Variants in ACACA observed in about 807,000 individuals in gnomAD.
ACACA encodes the protein acetyl-CoA carboxylase alpha, also known as acetyl-CoA carboxylase 1.
Under a neutral mutation model 296.1 loss-of-function variants are expected in ACACA, and 103 were observed. That is an observed-to-expected ratio of 0.35 (90% CI 0.30 to 0.41). ACACA has a LOEUF of 0.41. Among genes scored for constraint, ACACA ranks in the 10% least tolerant of loss-of-function variants. The pLI is 1.00. For synonymous variants in ACACA, 953 were observed against 1,038.6 expected, an observed-to-expected ratio of 0.92 and a Z score of 1.58; for missense variants, 1,554 against 2,989.7, an observed-to-expected ratio of 0.52 and a Z score of 11.20.
intron 1 of ACACA, among the ~76,000 whole-genome samples, chr17:37,399,113 G>T (rs566784614): frequency 7.9e-5 from 12 of 151,312 alleles, no homozygotes; most frequent in African/African-American, 2.7e-4. Flanking sequence ...CCAAGTAGTT[G>T]GGATTATAAG....
At chr17:37,371,650 A>C (rs916156082) in intron 1 of ACACA, among the ~76,000 whole-genome samples, 6 of 152,150 alleles carry the variant, frequency 3.9e-5, no homozygotes, top group Non-Finnish European at 7.3e-5. Flanking sequence ...CTGTAATCCC[A>C]GCACTTTGGG....
chr17:37,162,140 C>T (rs1034535846), intron 41 of ACACA, 90 bp from the exon 42 acceptor site: 84 of 1,384,276 alleles, frequency 6.1e-5, no homozygotes, highest in Non-Finnish European at 8.3e-5. Context: ...TATACCTAGG[C>T]ACAGCCATTA....
rs141429307 is a variant in ACACA, at chr17:37,086,938, G to A, written c.*378C>T. The A allele has an allele frequency of 1.3e-4, 44 of 343,188 alleles. No homozygotes were observed. Among genetic ancestry groups the A allele is most frequent in the African/African-American group, 9.1e-4 (43 of 47,338 alleles). 21.3% of individuals were successfully genotyped at this position (343,188 alleles called of 1,614,324 possible). On this transcript the variant is annotated 3_prime_UTR_variant, in exon 56 of 56. Transcript: ENST00000616317. ...AGTGAGGGGGGCTGCTCACTGCTGG[G>A]CAACTCCTCACGCTTCCCCATGCTG...
At chr17:37,320,482 G>A (rs1259147604) in intron 3 of ACACA, among the ~76,000 whole-genome samples, 1 of 151,834 alleles carries the variant, frequency 6.6e-6, no homozygotes, top group East Asian at 1.9e-4. Context: ...CTGTATTCCA[G>A]CCTGGGCGAC....
intron 1 of ACACA, among the ~76,000 whole-genome samples, chr17:37,360,658 G>A (rs756105341): frequency 9.9e-5 from 15 of 151,958 alleles, no homozygotes; most frequent in Non-Finnish European, 1.5e-4. Flanking sequence ...CACTGGCAAC[G>A]TAAAAAGACC....
At chr17:37,284,651 A>G (rs1222282859) in intron 4 of ACACA, among the ~76,000 whole-genome samples, 187 bp downstream of exon 4, 1 of 152,226 alleles carries the variant, frequency 6.6e-6, no homozygotes, top group Admixed American at 6.5e-5. Context: ...TGGTAAATAC[A>G]TATTATAGGA....
In ACACA at chr17:37,086,896, C is replaced by T. The variant is rs1038573822; in HGVS notation, c.*420G>A. The T allele has an allele frequency of 1.4e-5, 4 of 279,480 alleles. No individual in the cohort carries two copies. Among genetic ancestry groups the T allele is most frequent in the Admixed American group, 4.7e-5 (1 of 21,436 alleles). The allele number at this position is 279,480 out of a possible 1,614,324, so 17.3% of individuals were successfully genotyped here. On this transcript the variant is annotated 3_prime_UTR_variant, in exon 56 of 56. Transcript: ENST00000616317. The stretch of plus-strand genomic sequence containing the variant: ...AGCCCTCCTCTGCTGCCTGTGGCTG[C>T]GGCTCATGGGGCCAGGAGTGAGGGG...
In ACACA at chr17:37,361,428, T is replaced by C. The variant is rs115236233; in HGVS notation, c.39-21578A>G. ...TCAAAAACTGTCCTTATGTGAAATTTCAGCCAGCCCCTGCATGTCCTGCTT... is the reference window on the plus strand; with the variant it reads ...TCAAAAACTGTCCTTATGTGAAATTCCAGCCAGCCCCTGCATGTCCTGCTT... On this transcript the variant is annotated intron_variant, in intron 1 of 55. Transcript: ENST00000616317. Among the ~76,000 whole-genome samples the C allele has an allele frequency of 8.1e-3, 1,233 of 152,244 alleles. 12 individuals are homozygous for C. The highest frequency in any genetic ancestry group is 0.028 in the African/African-American group (1,180 of 41,550).
At chr17:37,248,821 A>C (rs879481674) in intron 16 of ACACA, 147 bp from the exon 17 acceptor site, 3 of 603,624 alleles carry the variant, frequency 5.0e-6, no homozygotes, top group Admixed American at 4.8e-5. Flanking sequence ...GGAATTGATC[A>C]CATCAATTAT....
At chr17:37,145,103 TG>T (rs1433475691) in intron 45 of ACACA, among the ~76,000 whole-genome samples, 1 of 152,086 alleles carries the variant, frequency 6.6e-6, no homozygotes, top group Non-Finnish European at 1.5e-5. Flanking sequence ...CCTAACACTA[TG>T]TTAAACATAC....
chr17:37,377,232 T>C (rs1226066845), intron 1 of ACACA, among the ~76,000 whole-genome samples: 1 of 152,130 alleles, frequency 6.6e-6, no homozygotes. Flanking sequence ...AGGAAATGGG[T>C]TGGTTAGACT....
At chr17:37,330,979 G>T (rs1176993029) in intron 2 of ACACA, among the ~76,000 whole-genome samples, 1 of 152,028 alleles carries the variant, frequency 6.6e-6, no homozygotes, top group African/African-American at 2.4e-5. Context: ...CTACAATCAT[G>T]GTTCACTGCA....
intron 45 of ACACA, among the ~76,000 whole-genome samples, chr17:37,135,415 A>G (rs983447314): frequency 2.0e-5 from 3 of 152,202 alleles, no homozygotes; most frequent in African/African-American, 4.8e-5. Context: ...GCTCGGTGAC[A>G]TACTGTGGGC....
chr17:37,130,235 G>C lies in ACACA; in HGVS notation c.5680-17C>G. 6.2e-7 allele frequency: 1 copy of C among 1,614,036 alleles called. No individual in the cohort carries two copies. Reference sequence around the variant, plus strand: ...CCCGAGGACCTAGAGAAAAGAGCAAGAGAAAAGACATTTGTCTCTATAGAA... The same window carrying C: ...CCCGAGGACCTAGAGAAAAGAGCAACAGAAAAGACATTTGTCTCTATAGAA... On this transcript the variant is annotated splice_polypyrimidine_tract_variant and intron_variant, in intron 45 of 55. Transcript: ENST00000616317.
At chr17:37,328,862 C>T (rs969949936) in intron 3 of ACACA, 1 of 398,444 alleles carries the variant, frequency 2.5e-6, no homozygotes, top group African/African-American at 2.1e-5. Flanking sequence ...CCCAGTTCCA[C>T]ACCAAGCCAG....
At chr17:37,209,860 T>C (rs2078671525) in intron 30 of ACACA, among the ~76,000 whole-genome samples, 1 of 152,204 alleles carries the variant, frequency 6.6e-6, no homozygotes, top group Admixed American at 6.5e-5. Flanking sequence ...AAATATCACT[T>C]ATGTTATATT....
chr17:37,111,640 T>C lies in ACACA; in HGVS notation c.6456A>G (p.Gly2152=), dbSNP rs1234299540. 6.2e-7 allele frequency: 1 copy of C among 1,611,818 alleles called. No individual in the cohort carries two copies. Among genetic ancestry groups the C allele is most frequent in the African/African-American group, 1.3e-5 (1 of 74,710 alleles). Residue 2152 remains glycine (G), a synonymous_variant, in exon 52 of 56, where the codon GGA becomes GGG. Coordinates refer to ENST00000616317, the MANE Select transcript of ACACA (RefSeq NM_198834.3). ...MEMYADRESR[G]SVLEPEGTVE... is the part of the protein sequence containing the mutation. ...CTGTCCCTTCTGGCTCCAGAACAGA[T>C]CCCCTGGATCAGAAAGAAAGAAAAA...
At chr17:37,135,283 TAC>T (rs1387839041) in intron 45 of ACACA, among the ~76,000 whole-genome samples, 1 of 152,188 alleles carries the variant, frequency 6.6e-6, no homozygotes, top group Non-Finnish European at 1.5e-5. Context: ...GGTTCCAAAA[TAC>T]AGTTTCTTAA....
chr17:37,250,089 A>T (rs532697832), intron 16 of ACACA, among the ~76,000 whole-genome samples: 2 of 152,318 alleles, frequency 1.3e-5, no homozygotes, highest in East Asian at 3.9e-4. Flanking sequence ...ACTCAATTAA[A>T]CTTCTTTCCT....
Sources: gnomAD v4.1 joint callset for allele counts (sites outside exome capture counted in the v4.1 genomes callset) on GRCh38, gnomAD v4.1.1 for gene constraint, MANE v1.5 for transcripts, NCBI Gene and HGNC (gene_info 2026-07-23, HGNC 2026-07-21) for gene names.